Variants in SPTBN1 observed in about 807,000 individuals in gnomAD.
SPTBN1 encodes spectrin beta chain, non-erythrocytic 1.
SPTBN1 carries 32 observed loss-of-function variants against 266.4 expected under a neutral mutation model. The observed-to-expected ratio is 0.12, with a 90% CI of 0.09 to 0.16. SPTBN1 has a LOEUF of 0.16. Ranked by LOEUF, SPTBN1 falls within the 10% of genes least tolerant of loss-of-function variation. The probability of loss-of-function intolerance (pLI) is 1.00; values close to 1 mark genes in which losing one functional copy is unlikely to be tolerated. For synonymous variants in SPTBN1, 1,336 were observed against 1,162.2 expected, an observed-to-expected ratio of 1.15 and a Z score of -3.04; for missense variants, 2,296 against 3,067.1, an observed-to-expected ratio of 0.75 and a Z score of 5.94.
chr2:54,651,727 T>TA (rs1480318157), intron 26 of SPTBN1, among the ~76,000 whole-genome samples: 1 of 152,178 alleles, frequency 6.6e-6, no homozygotes, highest in East Asian at 1.9e-4. Context: ...TTTTGAAAAA[T>TA]ATGGTTCATT....
intron 29 of SPTBN1, 81 bp downstream of exon 29, chr2:54,656,079 A>G (rs1680633589): frequency 8.1e-7 from 1 of 1,231,540 alleles, no homozygotes; most frequent in Admixed American, 2.0e-5. Flanking sequence ...TAATTCATTA[A>G]TGTTATCATT....
chr2:54,592,455 G>C (rs1417182273), intron 2 of SPTBN1, among the ~76,000 whole-genome samples: 1 of 151,822 alleles, frequency 6.6e-6, no homozygotes, highest in Non-Finnish European at 1.5e-5. Context: ...CACCACCTTG[G>C]CTCACCGCAA....
chr2:54,598,082 T>C (rs750583475), intron 2 of SPTBN1, among the ~76,000 whole-genome samples: 50 of 152,290 alleles, frequency 3.3e-4, no homozygotes, highest in Admixed American at 2.4e-3. Flanking sequence ...AACCTATGTT[T>C]AGAACATTCT....
Position 54,653,859 on chromosome 2 carries a change from G to A in SPTBN1, c.5822+6G>A, listed in dbSNP as rs373653475. 1.4e-5 allele frequency: 23 copies of A among 1,606,928 alleles called. No individual in the cohort carries two copies. The South Asian group carries it at 1.4e-4, about 10-fold the overall frequency. On this transcript the variant is annotated splice_donor_region_variant and intron_variant, in intron 27 of 35. Transcript: ENST00000356805. The surrounding 1 kb of genome is among the most constrained non-coding windows in gnomAD (Gnocchi z 5.1). ...GAGGCCCAGGAGAAGCCAAGGTAAC[G>A]CTTTCAGCCCAAAGGAAATTGGACT...
intron 1 of SPTBN1, among the ~76,000 whole-genome samples, chr2:54,464,729 G>C (rs1480301629): frequency 6.6e-6 from 1 of 152,094 alleles, no homozygotes; most frequent in Non-Finnish European, 1.5e-5. Context: ...TTATTCTGTT[G>C]CCCAGGCTGG....
rs1340520528 is a variant in SPTBN1, at chr2:54,514,012, A to G, written c.-47-12360A>G. 2.0e-5 allele frequency among the ~76,000 whole-genome samples: 3 copies of G among 152,234 alleles called. No homozygotes were observed. The East Asian group carries it at 5.8e-4, about 29-fold the overall frequency. Reference sequence around the variant, plus strand: ...AGAGTATTATATGTAAGCGGAGAAGAAGTACTTTAAAATTTTAATGTACGA... The same window carrying G: ...AGAGTATTATATGTAAGCGGAGAAGGAGTACTTTAAAATTTTAATGTACGA... On this transcript the variant is annotated intron_variant, in intron 1 of 35. Coordinates refer to ENST00000356805, the MANE Select transcript of SPTBN1 (RefSeq NM_003128.3).
intron 2 of SPTBN1, among the ~76,000 whole-genome samples, chr2:54,538,071 A>C (rs1671714292): frequency 6.6e-6 from 1 of 152,262 alleles, no homozygotes; most frequent in Non-Finnish European, 1.5e-5. Context: ...TTCTTGATTC[A>C]GAGATAAAGA....
chr2:54,644,098 AT>A (rs1038476749), intron 19 of SPTBN1, among the ~76,000 whole-genome samples: 20 of 152,168 alleles, frequency 1.3e-4, no homozygotes, highest in African/African-American at 4.6e-4. Flanking sequence ...AGTTGAGACT[AT>A]TTCAGCATGT....
intron 1 of SPTBN1, among the ~76,000 whole-genome samples, chr2:54,492,341 G>GTT (rs780631106): frequency 0.07 from 6,130 of 87,666 alleles, 388 homozygotes; most frequent in Non-Finnish European, 0.091. Flanking sequence ...GTCTGCAGTT[G>GTT]TTTTTTTGTT....
intron 1 of SPTBN1, among the ~76,000 whole-genome samples, chr2:54,495,332 C>T (rs564662303): frequency 3.9e-5 from 6 of 152,128 alleles, no homozygotes; most frequent in African/African-American, 1.2e-4. Flanking sequence ...ATCCCAGGTT[C>T]AGAGCTCAAG....
intron 33 of SPTBN1, 82 bp from the exon 34 acceptor site, chr2:54,665,833 C>T: frequency 6.8e-7 from 1 of 1,471,852 alleles, no homozygotes; most frequent in East Asian, 2.3e-5. Flanking sequence ...GGATCATTTT[C>T]ATGTTAATGA....
At chr2:54,466,843 T>G (rs914195255) in intron 1 of SPTBN1, among the ~76,000 whole-genome samples, 1 of 152,226 alleles carries the variant, frequency 6.6e-6, no homozygotes, top group Admixed American at 6.5e-5. Flanking sequence ...CTGTTCAATT[T>G]TTTTCTACCA....
At chr2:54,599,932 G>C (rs1457946814) in intron 3 of SPTBN1, among the ~76,000 whole-genome samples, 2 of 152,180 alleles carry the variant, frequency 1.3e-5, no homozygotes, top group East Asian at 1.9e-4. Context: ...GATCCAACAG[G>C]TTTTGTCTCA....
intron 2 of SPTBN1, among the ~76,000 whole-genome samples, chr2:54,532,799 TA>T (rs1248250449): frequency 6.6e-6 from 1 of 152,202 alleles, no homozygotes; most frequent in African/African-American, 2.4e-5. Context: ...CACAATTTTT[TA>T]AAGACTACGT....
chr2:54,670,005 G>T lies in SPTBN1; in HGVS notation c.*1436G>T, dbSNP rs925076374. ...ATTTTAGGCTTTGTAGGCCGTAACT[G>T]TCTCTGTTGCTCAATTCTGCTGTTG... On this transcript the variant is annotated 3_prime_UTR_variant, in exon 36 of 36. Coordinates refer to ENST00000356805, the MANE Select transcript of SPTBN1 (RefSeq NM_003128.3). 1 of 152,216 alleles carries T rather than the reference G, an allele frequency of 6.6e-6. No homozygotes were observed. The highest frequency in any genetic ancestry group is 1.5e-5 in the Non-Finnish European group (1 of 68,042). The allele number at this position is 152,216 out of a possible 1,614,324, so 9.4% of individuals were successfully genotyped here.
In SPTBN1 at chr2:54,653,746, G is replaced by A. The variant is rs761627821; in HGVS notation, c.5715G>A (p.Val1905=). The part of the protein sequence containing the change: ...SLLDACESRR[V]RLVDTGDKFR... ...TGGACGCCTGTGAGAGCCGCAGGGT[G>A]CGGCTGGTGGACACAGGGGACAAGT... is the stretch of plus-strand genomic sequence containing the variant. Residue 1905 remains valine (V), a synonymous_variant, in exon 27 of 36, where the codon GTG becomes GTA. Transcript: ENST00000356805. This position sits in a 1 kb window ranked among gnomAD's most constrained non-coding sequence, Gnocchi z 5.1. 1.2e-5 allele frequency: 20 copies of A among 1,614,140 alleles called. No individual in the cohort carries two copies. In the South Asian group the frequency reaches 1.6e-4, roughly 13 times the overall value.
chr2:54,487,338 A>T (rs1016697428), intron 1 of SPTBN1, among the ~76,000 whole-genome samples: 2 of 152,292 alleles, frequency 1.3e-5, no homozygotes, highest in East Asian at 1.9e-4. Context: ...GGAAAACATT[A>T]TTCTCAGGAC....
At position 54,457,095 on chromosome 2, in the gene SPTBN1, C is replaced by T. The variant is rs1573185284; in HGVS notation, c.-48+577C>T. The stretch of plus-strand genomic sequence containing the variant: ...CGCCGCGCTGCAGCTGAGCCGGAGG[C>T]GGCGGCCCCGCGCCCCCACCTCCGC... On this transcript the variant is annotated intron_variant, in intron 1 of 35. Transcript: ENST00000356805. Among the ~76,000 whole-genome samples the T allele has an allele frequency of 2.7e-5, 4 of 149,846 alleles. No individual in the cohort carries two copies. In the South Asian group the frequency reaches 8.6e-4, roughly 32 times the overall value.
At chr2:54,589,406 G>T (rs762098424) in intron 2 of SPTBN1, among the ~76,000 whole-genome samples, 1 of 152,174 alleles carries the variant, frequency 6.6e-6, no homozygotes, top group Non-Finnish European at 1.5e-5. Flanking sequence ...GGGTTGTGCC[G>T]CTCAGAAGAA....
Sources: allele counts gnomAD v4.1 joint callset (sites outside exome capture counted in the v4.1 genomes callset), GRCh38; gene constraint gnomAD v4.1.1; non-coding constraint Gnocchi (gnomAD v3.1); transcripts MANE v1.5; gene names NCBI Gene and HGNC (gene_info 2026-07-23, HGNC 2026-07-21).